SUCLG2: variants seen among roughly 807,000 people sequenced by gnomAD.
SUCLG2 encodes succinate--CoA ligase [GDP-forming] subunit beta, mitochondrial.
A neutral mutation model predicts 47.9 loss-of-function variants in SUCLG2; 42 were observed. The observed-to-expected ratio is 0.88, with a 90% CI of 0.69 to 1.14. SUCLG2 has a LOEUF of 1.14. Among genes scored for constraint, SUCLG2 ranks in the 50% most tolerant of loss-of-function variants. The probability of loss-of-function intolerance (pLI) is 0.00; values close to 1 mark genes in which losing one functional copy is unlikely to be tolerated. For synonymous variants in SUCLG2, 195 were observed against 197.3 expected, an observed-to-expected ratio of 0.99 and a Z score of 0.10; for missense variants, 571 against 525.9, an observed-to-expected ratio of 1.09 and a Z score of -0.84.
In SUCLG2 at chr3:67,571,883, C is replaced by T. The variant is rs183576566; in HGVS notation, c.226+37572G>A. On this transcript the variant is annotated intron_variant, in intron 2 of 10. Transcript: ENST00000307227. Reference sequence around the variant, plus strand: ...TCTCTTACCAAGACCACATGTTGCTCTTTCCTTCCATTATCACCACTTATG... The same window carrying T: ...TCTCTTACCAAGACCACATGTTGCTTTTTCCTTCCATTATCACCACTTATG... Among the ~76,000 whole-genome samples, 46 of 152,338 alleles carry T rather than the reference C, an allele frequency of 3.0e-4. No individual in the cohort carries two copies. The East Asian group carries it at 7.3e-3, about 24-fold the overall frequency.
intron 2 of SUCLG2, among the ~76,000 whole-genome samples, chr3:67,546,895 C>T (rs1482552717): frequency 6.6e-6 from 1 of 152,166 alleles, no homozygotes; most frequent in African/African-American, 2.4e-5. Flanking sequence ...AGTGAGACTC[C>T]ATCCCAAAAA....
chr3:67,521,369 G>A (rs1251970512), intron 4 of SUCLG2, among the ~76,000 whole-genome samples: 2 of 152,076 alleles, frequency 1.3e-5, no homozygotes. Context: ...GACTAGACAG[G>A]GGACAAGTGG....
chr3:67,402,698 G>A (rs1004650488), intron 9 of SUCLG2, among the ~76,000 whole-genome samples: 1 of 152,230 alleles, frequency 6.6e-6, no homozygotes, highest in Non-Finnish European at 1.5e-5. Context: ...GCTCAGTAAG[G>A]TTTGTGCAGA....
intron 1 of SUCLG2, among the ~76,000 whole-genome samples, chr3:67,629,212 C>A (rs1301707091): frequency 6.6e-6 from 1 of 152,222 alleles, no homozygotes; most frequent in East Asian, 1.9e-4. Context: ...AATTATCCAA[C>A]ACCAACTGGT....
intron 9 of SUCLG2, among the ~76,000 whole-genome samples, chr3:67,422,832 C>T (rs1169928345): frequency 6.6e-6 from 1 of 152,112 alleles, no homozygotes; most frequent in African/African-American, 2.4e-5. Flanking sequence ...GTATCATTTA[C>T]ACTTAATAAG....
At chr3:67,533,109 C>T (rs1706445341) in intron 2 of SUCLG2, among the ~76,000 whole-genome samples, 1 of 152,138 alleles carries the variant, frequency 6.6e-6, no homozygotes, top group Non-Finnish European at 1.5e-5. Context: ...CAAAGTAATG[C>T]TCACAAGACA....
At chr3:67,634,870 A>G (rs1429274220) in intron 1 of SUCLG2, among the ~76,000 whole-genome samples, 1 of 152,190 alleles carries the variant, frequency 6.6e-6, no homozygotes, top group Non-Finnish European at 1.5e-5. Flanking sequence ...ACGTGTGTAT[A>G]TGTCATACTA....
chr3:67,398,073 G>A (rs1334353249), intron 10 of SUCLG2, among the ~76,000 whole-genome samples: 4 of 150,224 alleles, frequency 2.7e-5, no homozygotes, highest in African/African-American at 2.5e-5. Context: ...AACCCTAGAA[G>A]AAAACCTCGG....
At chr3:67,615,017 G>C (rs143900375) in intron 1 of SUCLG2, among the ~76,000 whole-genome samples, 30 of 152,200 alleles carry the variant, frequency 2.0e-4, no homozygotes, top group Middle Eastern at 6.8e-3. Flanking sequence ...CTTCCTTCCT[G>C]CGTTTCTTTG....
intron 2 of SUCLG2, among the ~76,000 whole-genome samples, chr3:67,538,286 A>G (rs938925904): frequency 6.6e-6 from 1 of 152,212 alleles, no homozygotes; most frequent in Non-Finnish European, 1.5e-5. Context: ...TTTTCTGCAT[A>G]TGGCTTACCA....
intron 9 of SUCLG2, among the ~76,000 whole-genome samples, chr3:67,414,366 G>A (rs150544205): frequency 5.3e-5 from 8 of 152,266 alleles, no homozygotes; most frequent in South Asian, 2.1e-4. Context: ...TAGATGTATC[G>A]AGTACATTGA....
Position 67,392,651 on chromosome 3 carries a change from C to A in SUCLG2, c.1183+8080G>T, listed in dbSNP as rs112280411. Among the ~76,000 whole-genome samples, 1,171 of 152,164 alleles carry A rather than the reference C, an allele frequency of 7.7e-3. 22 individuals are homozygous for A. The highest frequency in any genetic ancestry group is 0.027 in the African/African-American group (1,104 of 41,494). ...CACTTTAGGCAGGGGCAGAGGGGTG[C>A]TCCTTAAGGTAAAAACCACTTTCAT... On this transcript the variant is annotated intron_variant, in intron 10 of 10. Coordinates refer to ENST00000307227, the MANE Select transcript of SUCLG2 (RefSeq NM_003848.4).
chr3:67,539,895 C>A (rs924984106), intron 2 of SUCLG2, among the ~76,000 whole-genome samples: 2 of 152,040 alleles, frequency 1.3e-5, no homozygotes, highest in African/African-American at 4.8e-5. Context: ...TCTGTGGGAT[C>A]AGTGGTGATA....
chr3:67,495,583 C>T (rs1400057517), intron 9 of SUCLG2, among the ~76,000 whole-genome samples: 2 of 149,248 alleles, frequency 1.3e-5, no homozygotes, highest in African/African-American at 4.9e-5. Flanking sequence ...ACCCAGGAGA[C>T]GGAGGTTGCA....
Position 67,544,004 on chromosome 3 carries a change from G to A in SUCLG2, c.227-14818C>T, listed in dbSNP as rs375761114. 2.6e-5 allele frequency among the ~76,000 whole-genome samples: 4 copies of A among 152,116 alleles called. No homozygotes were observed. The South Asian group carries it at 6.2e-4, about 24-fold the overall frequency. ...ATAACATGACCTCCTAAAGAGTCAC[G>A]CAAGAAAACTGGGAGTGGCAGGAAA... On this transcript the variant is annotated intron_variant, in intron 2 of 10. Transcript: ENST00000307227.
Position 67,451,723 on chromosome 3 carries a change from A to G in SUCLG2, c.1062+44075T>C, listed in dbSNP as rs149167589. Among the ~76,000 whole-genome samples the G allele has an allele frequency of 7.8e-3, 1,190 of 152,296 alleles. 16 individuals are homozygous for G. Among genetic ancestry groups the G allele is most frequent in the African/African-American group, 0.027 (1,129 of 41,566 alleles). On this transcript the variant is annotated intron_variant, in intron 9 of 10. Coordinates refer to ENST00000307227, the MANE Select transcript of SUCLG2 (RefSeq NM_003848.4). The stretch of plus-strand genomic sequence containing the variant: ...GAGTTAATTTTAAAAGATGGTAAAT[A>G]TCTCAGAATGTCTGTAATATAATTA...
chr3:67,646,796 G>A (rs983816749), intron 1 of SUCLG2, among the ~76,000 whole-genome samples: 12 of 152,110 alleles, frequency 7.9e-5, no homozygotes, highest in Admixed American at 3.9e-4. Context: ...ATGACTCACA[G>A]CATTGAATCG....
chr3:67,512,102 T>C (rs993342847), intron 6 of SUCLG2, among the ~76,000 whole-genome samples: 8 of 151,210 alleles, frequency 5.3e-5, no homozygotes, highest in Admixed American at 1.3e-4. Flanking sequence ...GCAATCCTCT[T>C]GTCTCAGCCC....
At chr3:67,432,737 T>C (rs1703519044) in intron 9 of SUCLG2, among the ~76,000 whole-genome samples, 1 of 152,228 alleles carries the variant, frequency 6.6e-6, no homozygotes, top group Non-Finnish European at 1.5e-5. Flanking sequence ...CTTTCTGTCT[T>C]TTATATCCCT....
Sources: gnomAD v4.1 joint callset for allele counts (sites outside exome capture counted in the v4.1 genomes callset) on GRCh38, gnomAD v4.1.1 for gene constraint, MANE v1.5 for transcripts, NCBI Gene and HGNC (gene_info 2026-07-23, HGNC 2026-07-21) for gene names.